Variants in KATNIP observed in about 807,000 individuals in gnomAD.
KATNIP encodes katanin-interacting protein.
In KATNIP, 126 loss-of-function variants were observed where a neutral mutation model predicts 174.0. The ratio of observed to expected loss-of-function variants is 0.72; its 90% CI spans 0.63 to 0.84. The LOEUF is 0.84. Among genes scored for constraint, KATNIP ranks in the 40% least tolerant of loss-of-function variants. The pLI is 0.00. For missense variants in KATNIP, 1,958 were observed against 2,109.7 expected, an observed-to-expected ratio of 0.93 and a Z score of 1.41; for synonymous variants, 810 against 835.7, an observed-to-expected ratio of 0.97 and a Z score of 0.53.
At chr16:27,747,469 G>A (rs894607448) in intron 15 of KATNIP, among the ~76,000 whole-genome samples, 8 of 152,162 alleles carry the variant, frequency 5.3e-5, no homozygotes, top group African/African-American at 1.9e-4. Flanking sequence ...CGTGTTCTCG[G>A]TGTTGGCTTC....
intron 9 of KATNIP, chr16:27,699,333 C>G (rs2079020139): frequency 1.7e-6 from 1 of 575,980 alleles, no homozygotes; most frequent in Non-Finnish European, 2.2e-6. Context: ...TCCCCAGGCT[C>G]TATCTTGGGG....
At chr16:27,671,517 A>G (rs1312151455) in intron 6 of KATNIP, among the ~76,000 whole-genome samples, 1 of 152,204 alleles carries the variant, frequency 6.6e-6, no homozygotes, top group African/African-American at 2.4e-5. Flanking sequence ...ATCTTTGTGT[A>G]CTTAGGACTA....
At chr16:27,680,963 G>A (rs940801541) in intron 7 of KATNIP, among the ~76,000 whole-genome samples, 4 of 152,196 alleles carry the variant, frequency 2.6e-5, no homozygotes, top group African/African-American at 9.7e-5. Flanking sequence ...CTAAAGTGCT[G>A]GGATTAGAGG....
intron 3 of KATNIP, among the ~76,000 whole-genome samples, chr16:27,622,236 G>T (rs1465803550): frequency 1.3e-5 from 2 of 152,148 alleles, no homozygotes; most frequent in Non-Finnish European, 2.9e-5. Flanking sequence ...CCCAGTAGTG[G>T]CAGGGTGAGC....
chr16:27,739,809 GC>G (rs200103117), intron 14 of KATNIP, among the ~76,000 whole-genome samples: 2,597 of 152,280 alleles, frequency 0.017, 82 homozygotes, highest in African/African-American at 0.059. Flanking sequence ...GATGACGAAG[GC>G]AGCGATTGAG....
chr16:27,577,225 C>T (rs1350456345), intron 2 of KATNIP, among the ~76,000 whole-genome samples: 2 of 152,218 alleles, frequency 1.3e-5, no homozygotes, highest in South Asian at 4.1e-4. Context: ...AACCACGGTA[C>T]TTAGCAACAT....
At chr16:27,754,746 T>C (rs1244335756) in intron 18 of KATNIP, 1 of 152,832 alleles carries the variant, frequency 6.5e-6, no homozygotes, top group African/African-American at 2.4e-5. Flanking sequence ...TCTTCTGACT[T>C]TTCAGAAGAA....
At chr16:27,772,228 C>T (rs956705907) in intron 22 of KATNIP, among the ~76,000 whole-genome samples, 1 of 152,196 alleles carries the variant, frequency 6.6e-6, no homozygotes, top group East Asian at 1.9e-4. Flanking sequence ...GCTCTGATTG[C>T]ACCACTGTAC....
chr16:27,675,405 G>A (rs1324021455), intron 6 of KATNIP, among the ~76,000 whole-genome samples: 1 of 152,150 alleles, frequency 6.6e-6, no homozygotes, highest in African/African-American at 2.4e-5. Context: ...AGATTTGGGT[G>A]GGGACACAGT....
intron 7 of KATNIP, among the ~76,000 whole-genome samples, chr16:27,678,241 A>G (rs1349392963): frequency 2.6e-5 from 4 of 152,212 alleles, no homozygotes; most frequent in East Asian, 1.9e-4. Flanking sequence ...TGTACACTGT[A>G]AGATGTTTTG....
intron 15 of KATNIP, among the ~76,000 whole-genome samples, chr16:27,742,305 G>A (rs549108592): frequency 5.9e-5 from 9 of 152,314 alleles, no homozygotes; most frequent in Non-Finnish European, 1.2e-4. Flanking sequence ...GTTTTCATCT[G>A]TAAAATGGTT....
At chr16:27,735,682 G>T (rs1243200152) in intron 14 of KATNIP, among the ~76,000 whole-genome samples, 1 of 152,214 alleles carries the variant, frequency 6.6e-6, no homozygotes. Flanking sequence ...AGTTCCTGTG[G>T]CGTAACGCAG....
chr16:27,650,556 C>T (rs545256145), intron 6 of KATNIP, among the ~76,000 whole-genome samples: 3 of 152,278 alleles, frequency 2.0e-5, no homozygotes, highest in Non-Finnish European at 2.9e-5. Context: ...TATTCAGTGA[C>T]GTCACCGCAA....
intron 3 of KATNIP, among the ~76,000 whole-genome samples, chr16:27,624,255 C>T (rs1482545262): frequency 6.6e-6 from 1 of 152,156 alleles, no homozygotes; most frequent in Non-Finnish European, 1.5e-5. Flanking sequence ...ATCTAGGTCC[C>T]TGCCCCGGTG....
chr16:27,630,986 C>A, intron 4 of KATNIP, 79 bp from the exon 5 acceptor site: 2 of 1,098,388 alleles, frequency 1.8e-6, no homozygotes, highest in Non-Finnish European at 2.7e-6. Context: ...GCATTTTAGA[C>A]ATGAGTTACA....
intron 8 of KATNIP, among the ~76,000 whole-genome samples, chr16:27,691,929 A>G (rs12933703): frequency 0.19 from 29,182 of 152,122 alleles, 3,123 homozygotes; most frequent in African/African-American, 0.3. Context: ...AGGACAGATC[A>G]TCCCGCCTGC....
chr16:27,750,760 G>C (rs1241447054), intron 16 of KATNIP, among the ~76,000 whole-genome samples: 1 of 133,846 alleles, frequency 7.5e-6, no homozygotes, highest in East Asian at 2.1e-4. Flanking sequence ...TTTTTTGGGT[G>C]GGGAGACAGG....
At chr16:27,704,743 A>G (rs1439227747) in intron 12 of KATNIP, among the ~76,000 whole-genome samples, 1 of 152,154 alleles carries the variant, frequency 6.6e-6, no homozygotes, top group Non-Finnish European at 1.5e-5. Context: ...CCTGACTGTA[A>G]AAGGTGATGT....
intron 21 of KATNIP, 115 bp from the exon 22 acceptor site, chr16:27,771,473 T>A (rs190511268): frequency 1.1e-6 from 1 of 931,846 alleles, no homozygotes; most frequent in African/African-American, 1.6e-5. Context: ...CCCTGCTGCA[T>A]CCTAGGGAAC....
Sources: allele counts gnomAD v4.1 joint callset (sites outside exome capture counted in the v4.1 genomes callset), GRCh38; gene constraint gnomAD v4.1.1; transcripts MANE v1.5; gene names NCBI Gene and HGNC (gene_info 2026-07-23, HGNC 2026-07-21).